The following AFF2 variants were observed in gnomAD, a reference collection of about 807,000 sequenced individuals.
The protein encoded by AFF2 is AF4/FMR2 family member 2.
In AFF2, 14 loss-of-function variants were observed where a neutral mutation model predicts 76.9. The observed-to-expected ratio is 0.18, with a 90% CI of 0.12 to 0.28. The LOEUF (loss-of-function observed/expected upper bound fraction) is 0.28, where lower values mean the gene tolerates loss of function less well. Ranked by LOEUF, AFF2 falls within the 10% of genes least tolerant of loss-of-function variation. The pLI, the probability that AFF2 is intolerant of heterozygous loss-of-function variation, is 1.00. For synonymous variants in AFF2, 398 were observed against 366.7 expected (o/e 1.09, Z -0.98); for missense variants, 868 against 1,001.1 (o/e 0.87, Z 1.79).
chrX:148,944,868 A>C (rs1390180566), intron 9 of AFF2, among the ~76,000 whole-genome samples: 3 of 110,807 alleles, frequency 2.7e-5, no homozygotes, highest in Non-Finnish European at 5.7e-5. Flanking sequence ...TATTGAAGTT[A>C]ATCTCATAGT....
At chrX:148,523,007 C>G (rs1275304093) in intron 1 of AFF2, among the ~76,000 whole-genome samples, 1 of 111,983 alleles carries the variant, frequency 8.9e-6, no homozygotes, top group African/African-American at 3.2e-5. Flanking sequence ...GAGAATACGT[C>G]CTTGAAACAG....
chrX:148,818,250 C>A (rs2070289639), intron 4 of AFF2, among the ~76,000 whole-genome samples: 1 of 111,949 alleles, frequency 8.9e-6, no homozygotes, highest in South Asian at 3.7e-4. Context: ...TACACAAATT[C>A]AGCCAAGTTG....
chrX:148,685,212 A>C (rs1557260242), intron 3 of AFF2, among the ~76,000 whole-genome samples: 1 of 112,081 alleles, frequency 8.9e-6, no homozygotes, highest in Admixed American at 9.5e-5. Context: ...CTTAGCTCAG[A>C]TCTTGGTGCT....
At chrX:148,824,732 C>T (rs969239469) in intron 4 of AFF2, among the ~76,000 whole-genome samples, 2 of 111,563 alleles carry the variant, frequency 1.8e-5, no homozygotes, top group Non-Finnish European at 3.8e-5. Flanking sequence ...TGAGTAAGGG[C>T]AGTGGTTTCA....
At chrX:148,767,824 G>A (rs782525139) in intron 3 of AFF2, among the ~76,000 whole-genome samples, 104 of 111,948 alleles carry the variant, frequency 9.3e-4, no homozygotes, top group Non-Finnish European at 1.1e-3. Flanking sequence ...TAGTTACATA[G>A]CACTTCACAT....
intron 3 of AFF2, among the ~76,000 whole-genome samples, chrX:148,747,536 C>T (rs782588195): frequency 3.6e-5 from 4 of 111,550 alleles, no homozygotes; most frequent in Admixed American, 9.5e-5. Flanking sequence ...GTTTTTGATT[C>T]GTCTTTCAAA....
chrX:148,525,545 T>C, intron 1 of AFF2, among the ~76,000 whole-genome samples: 1 of 111,886 alleles, frequency 8.9e-6, no homozygotes, highest in East Asian at 2.8e-4. Context: ...ATAACCAGAA[T>C]AGAAGACTTC....
At chrX:148,975,225 CTG>C (rs1557290076) in intron 16 of AFF2, among the ~76,000 whole-genome samples, 1 of 110,213 alleles carries the variant, frequency 9.1e-6, no homozygotes. Flanking sequence ...AGTACTTTAA[CTG>C]TGGAAATCTG....
chrX:148,948,630 A>T (rs1375686312), intron 9 of AFF2, among the ~76,000 whole-genome samples: 1 of 111,281 alleles, frequency 9.0e-6, no homozygotes, highest in East Asian at 2.8e-4. Flanking sequence ...GTCATGCTGG[A>T]GGGGGCTATG....
intron 9 of AFF2, among the ~76,000 whole-genome samples, chrX:148,945,646 T>C (rs554765118): frequency 2.7e-5 from 3 of 112,317 alleles, no homozygotes; most frequent in East Asian, 2.8e-4. Context: ...AGGTGATTCC[T>C]ATGCACATTA....
At position 148,996,550 on chromosome X, in the gene AFF2, GAC is replaced by G. The variant is rs1302955224; in HGVS notation, c.*5226_*5227del. 8.9e-6 allele frequency: 1 copy of G among 112,219 alleles called. No individual in the cohort carries two copies. The highest frequency in any genetic ancestry group is 3.7e-4 in the South Asian group (1 of 2,667). 9.2% of individuals were successfully genotyped at this position (112,219 alleles called of 1,213,427 possible). Reference sequence around the variant, plus strand: ...CATATTTAATATATGTGTTCATGTGGACACACACAGACACACACACACAAACT... The same window carrying G: ...CATATTTAATATATGTGTTCATGTGGACACACAGACACACACACACAAACT... On this transcript the variant is annotated 3_prime_UTR_variant, in exon 21 of 21. Coordinates refer to ENST00000370460, the MANE Select transcript of AFF2 (RefSeq NM_002025.4).
At chrX:148,760,974 G>A (rs1281619105) in intron 3 of AFF2, among the ~76,000 whole-genome samples, 4 of 111,734 alleles carry the variant, frequency 3.6e-5, no homozygotes, top group Non-Finnish European at 5.6e-5. Flanking sequence ...CTCTTTCCAT[G>A]TTACCTCATC....
chrX:148,670,968 A>AT (rs2054416561), intron 3 of AFF2, among the ~76,000 whole-genome samples: 1 of 110,187 alleles, frequency 9.1e-6, no homozygotes, highest in African/African-American at 3.3e-5. Flanking sequence ...AATACTTGGG[A>AT]TTTTTTTTCT....
At chrX:148,528,762 C>T (rs1212685824) in intron 1 of AFF2, among the ~76,000 whole-genome samples, 1 of 111,252 alleles carries the variant, frequency 9.0e-6, no homozygotes, top group Non-Finnish European at 1.9e-5. Flanking sequence ...TCACTTAAAC[C>T]AATGTATTCA....
chrX:148,580,005 A>G (rs781882894), intron 1 of AFF2, among the ~76,000 whole-genome samples: 1 of 111,780 alleles, frequency 8.9e-6, no homozygotes, highest in Non-Finnish European at 1.9e-5. Flanking sequence ...TTGTGCAGAT[A>G]GTGCATGATT....
intron 3 of AFF2, among the ~76,000 whole-genome samples, chrX:148,683,557 A>G (rs2054570969): frequency 8.9e-6 from 1 of 111,975 alleles, no homozygotes; most frequent in Non-Finnish European, 1.9e-5. Flanking sequence ...GAGTACTTCT[A>G]TGTCAGTTTT....
intron 3 of AFF2, among the ~76,000 whole-genome samples, chrX:148,682,354 C>G (rs1455982899): frequency 1.8e-5 from 2 of 112,027 alleles, no homozygotes; most frequent in Admixed American, 1.9e-4. Flanking sequence ...TTCCCGACAT[C>G]TACAATCCTT....
intron 3 of AFF2, among the ~76,000 whole-genome samples, chrX:148,795,300 G>T (rs2069953197): frequency 9.0e-6 from 1 of 110,747 alleles, no homozygotes. Context: ...GGATTTAGGA[G>T]ATGTCTCTCA....
chrX:148,851,720 C>G (rs782665896), intron 7 of AFF2, among the ~76,000 whole-genome samples: 9 of 111,818 alleles, frequency 8.0e-5, no homozygotes, highest in Non-Finnish European at 1.5e-4. Flanking sequence ...AATTTTGTAA[C>G]TACATAGAAT....
Sources: allele counts gnomAD v4.1 joint callset (sites outside exome capture counted in the v4.1 genomes callset), GRCh38; gene constraint gnomAD v4.1.1; transcripts MANE v1.5; gene names NCBI Gene and HGNC (gene_info 2026-07-23, HGNC 2026-07-21).